HPSE2: variants seen among roughly 807,000 people sequenced by gnomAD.
HPSE2 encodes heparanase 2 (inactive).
In HPSE2, 38 loss-of-function variants were observed where a neutral mutation model predicts 60.5. The observed-to-expected ratio is 0.63, with a 90% CI of 0.48 to 0.82. The LOEUF (loss-of-function observed/expected upper bound fraction) is 0.82. Among genes scored for constraint, HPSE2 ranks in the 40% least tolerant of loss-of-function variants. HPSE2 has a pLI of 0.00. For synonymous variants in HPSE2, 295 were observed against 293.2 expected (o/e 1.01, Z -0.06); for missense variants, 713 against 740.4 (o/e 0.96, Z 0.43).
At chr10:98,590,209 G>C (rs1030927729) in intron 9 of HPSE2, among the ~76,000 whole-genome samples, 4 of 152,240 alleles carry the variant, frequency 2.6e-5, no homozygotes, top group African/African-American at 9.6e-5. Context: ...TTGGGAGGCC[G>C]AGGCAGGTGG....
intron 5 of HPSE2, among the ~76,000 whole-genome samples, 184 bp downstream of exon 5, chr10:98,721,473 C>T (rs890485743): frequency 2.6e-5 from 4 of 151,912 alleles, no homozygotes; most frequent in African/African-American, 9.7e-5. Context: ...TATGGAAGGC[C>T]TAGAAAGATG....
chr10:98,569,977 A>G (rs772186366), intron 9 of HPSE2, among the ~76,000 whole-genome samples: 2 of 152,206 alleles, frequency 1.3e-5, no homozygotes, highest in African/African-American at 2.4e-5. Flanking sequence ...AATGACTCCA[A>G]TTACACACAC....
At chr10:98,888,063 C>T (rs1226312263) in intron 3 of HPSE2, among the ~76,000 whole-genome samples, 3 of 150,690 alleles carry the variant, frequency 2.0e-5, no homozygotes, top group South Asian at 2.1e-4. Context: ...GTAACTGGAT[C>T]GTTTGTAACT....
chr10:98,817,787 T>C (rs1951326544), intron 3 of HPSE2, among the ~76,000 whole-genome samples: 1 of 152,234 alleles, frequency 6.6e-6, no homozygotes. Flanking sequence ...ATGTTTCCTA[T>C]ACACTTTGGA....
chr10:98,664,410 A>G (rs530712102), intron 6 of HPSE2, among the ~76,000 whole-genome samples: 1 of 152,230 alleles, frequency 6.6e-6, no homozygotes, highest in Admixed American at 6.5e-5. Flanking sequence ...AGAAGGGTGT[A>G]GCCTGTTTGC....
intron 6 of HPSE2, among the ~76,000 whole-genome samples, chr10:98,692,067 C>A (rs1307528543): frequency 1.3e-5 from 2 of 151,908 alleles, no homozygotes; most frequent in Non-Finnish European, 2.9e-5. Flanking sequence ...ATTATAAGTG[C>A]TATTAAAAAA....
intron 5 of HPSE2, 66 bp downstream of exon 5, chr10:98,721,591 G>T (rs1948924860): frequency 7.1e-7 from 1 of 1,414,146 alleles, no homozygotes; most frequent in Non-Finnish European, 9.9e-7. Context: ...ATAACCAAGA[G>T]AAATGCAAAT....
intron 2 of HPSE2, among the ~76,000 whole-genome samples, chr10:99,178,378 C>A (rs932433489): frequency 1.3e-5 from 2 of 151,668 alleles, no homozygotes; most frequent in Non-Finnish European, 2.9e-5. Flanking sequence ...ACTAGCCAGA[C>A]TAATAAAGAA....
At chr10:99,014,837 C>G (rs1046716664) in intron 3 of HPSE2, among the ~76,000 whole-genome samples, 1 of 152,032 alleles carries the variant, frequency 6.6e-6, no homozygotes, top group Admixed American at 6.6e-5. Context: ...TAATTAAACT[C>G]AAGAGCTTCT....
In HPSE2 at chr10:98,721,835, T is replaced by G. The variant is rs1454719172; in HGVS notation, c.785-7A>C. 3 of 1,612,890 alleles carry G rather than the reference T, an allele frequency of 1.9e-6. No homozygotes were observed. Among genetic ancestry groups the G allele is most frequent in the Non-Finnish European group, 2.5e-6 (3 of 1,179,388 alleles). ...GTCCGATAGTTATTTGGCTCTAGAT[T>G]AAAAGCAGACATGTAAGTCAGAATG... On this transcript the variant is annotated splice_polypyrimidine_tract_variant and splice_region_variant and intron_variant, in intron 4 of 11. Transcript: ENST00000370552.
chr10:98,620,845 T>C, intron 7 of HPSE2, 137 bp from the exon 8 acceptor site: 1 of 717,412 alleles, frequency 1.4e-6, no homozygotes. Flanking sequence ...TTTCTTATGA[T>C]GATGCACCCA....
intron 9 of HPSE2, among the ~76,000 whole-genome samples, chr10:98,572,825 G>C (rs1944536603): frequency 6.6e-6 from 1 of 152,202 alleles, no homozygotes; most frequent in Admixed American, 6.5e-5. Context: ...ACGTGGCCAC[G>C]AACAGGCAAG....
the HPSE2 span, among the ~76,000 whole-genome samples, chr10:99,264,967 T>C: frequency 6.6e-6 from 1 of 152,160 alleles, no homozygotes; most frequent in East Asian, 1.9e-4. Context: ...CACCATTTTG[T>C]TTTTTCTTAT....
chr10:98,749,370 A>G (rs1389614358), intron 3 of HPSE2, among the ~76,000 whole-genome samples: 4 of 151,876 alleles, frequency 2.6e-5, no homozygotes, highest in African/African-American at 4.8e-5. Context: ...GCATGCATAT[A>G]TATCTATATA....
chr10:98,831,744 C>T (rs1283439670), intron 3 of HPSE2, among the ~76,000 whole-genome samples: 1 of 152,076 alleles, frequency 6.6e-6, no homozygotes, highest in Non-Finnish European at 1.5e-5. Flanking sequence ...CTGGGTAGAC[C>T]CTAGAAGTCT....
intron 4 of HPSE2, among the ~76,000 whole-genome samples, chr10:98,732,599 T>C (rs1379922908): frequency 6.6e-6 from 1 of 152,176 alleles, no homozygotes; most frequent in African/African-American, 2.4e-5. Context: ...GACTAATTTA[T>C]AGCCTTACTT....
chr10:98,561,717 G>C (rs941520910), intron 9 of HPSE2, among the ~76,000 whole-genome samples: 1 of 152,048 alleles, frequency 6.6e-6, no homozygotes, highest in East Asian at 1.9e-4. Flanking sequence ...GTGTGGTGGC[G>C]GGCGCCTGCA....
chr10:98,853,440 A>C (rs1182141500), intron 3 of HPSE2, among the ~76,000 whole-genome samples: 1 of 152,180 alleles, frequency 6.6e-6, no homozygotes, highest in African/African-American at 2.4e-5. Context: ...AGTGGACAGC[A>C]AGAAAAAGAG....
intron 3 of HPSE2, among the ~76,000 whole-genome samples, chr10:99,015,399 A>C (rs10786494): frequency 0.76 from 115,774 of 151,804 alleles, 44,513 homozygotes; most frequent in East Asian, 0.84. Context: ...TTCACAACAG[A>C]AAAGACTTGG....
Sources: gnomAD v4.1 joint callset for allele counts (sites outside exome capture counted in the v4.1 genomes callset) on GRCh38, gnomAD v4.1.1 for gene constraint, MANE v1.5 for transcripts, NCBI Gene and HGNC (gene_info 2026-07-23, HGNC 2026-07-21) for gene names.